NFILZ: variants seen among roughly 807,000 people sequenced by gnomAD.
The protein encoded by NFILZ is NFIL3 like protein.
At chr19:8,643,467 G>A (rs1282625932) in intron 3 of NFILZ, among the ~76,000 whole-genome samples, 2 of 152,160 alleles carry the variant, frequency 1.3e-5, no homozygotes, top group Non-Finnish European at 2.9e-5. Flanking sequence ...AGTGTATCTG[G>A]GAGGGTGTTT....
intron 3 of NFILZ, among the ~76,000 whole-genome samples, chr19:8,663,609 C>T (rs1289502690): frequency 5.9e-5 from 9 of 151,794 alleles, no homozygotes; most frequent in Middle Eastern, 3.2e-3. Context: ...TTGATGCTCG[C>T]GGGCGTTGGG....
intron 3 of NFILZ, among the ~76,000 whole-genome samples, chr19:8,661,511 G>A (rs1275135296): frequency 6.6e-6 from 1 of 152,006 alleles, no homozygotes; most frequent in Non-Finnish European, 1.5e-5. Context: ...GTTTGTTAAC[G>A]AGCCTGGTTT....
At chr19:8,632,244 C>T (rs1041148275) in intron 1 of NFILZ, among the ~76,000 whole-genome samples, 3 of 55,766 alleles carry the variant, frequency 5.4e-5, no homozygotes, top group African/African-American at 1.9e-4. Flanking sequence ...CCCCGCCATA[C>T]AGTGTGTGTG....
intron 3 of NFILZ, among the ~76,000 whole-genome samples, chr19:8,672,486 A>C (rs2043092582): frequency 1.3e-5 from 2 of 152,332 alleles, no homozygotes; most frequent in Admixed American, 6.5e-5. Flanking sequence ...GTTCATTCAA[A>C]AAAAATCCAT....
intron 1 of NFILZ, among the ~76,000 whole-genome samples, chr19:8,631,680 G>C (rs957431775): frequency 6.6e-5 from 10 of 152,150 alleles, no homozygotes; most frequent in Non-Finnish European, 1.5e-4. Flanking sequence ...CCAGCCGCCA[G>C]GCCTTCGTGT....
intron 3 of NFILZ, among the ~76,000 whole-genome samples, chr19:8,661,103 CTT>C (rs1555749066): frequency 2.5e-5 from 1 of 40,406 alleles, no homozygotes; most frequent in African/African-American, 1.0e-4. Context: ...TCCCTTCCTC[CTT>C]CCTTCCTTCC....
intron 3 of NFILZ, among the ~76,000 whole-genome samples, chr19:8,657,595 G>A (rs1165762220): frequency 6.6e-6 from 1 of 152,106 alleles, no homozygotes; most frequent in Non-Finnish European, 1.5e-5. Flanking sequence ...CGCTGTGTGT[G>A]GGATTGTAGT....
chr19:8,655,340 A>T (rs2042987312), intron 3 of NFILZ, among the ~76,000 whole-genome samples: 1 of 152,244 alleles, frequency 6.6e-6, no homozygotes, highest in African/African-American at 2.4e-5. Flanking sequence ...CTCAGACTCC[A>T]CTTACTGGGC....
At chr19:8,655,564 C>T (rs1054448006) in intron 3 of NFILZ, among the ~76,000 whole-genome samples, 3 of 152,156 alleles carry the variant, frequency 2.0e-5, no homozygotes, top group Non-Finnish European at 4.4e-5. Context: ...ACCTCCACCG[C>T]GGGAGGTTCC....
At chr19:8,652,724 C>G (rs1859279737) in intron 3 of NFILZ, among the ~76,000 whole-genome samples, 1 of 152,192 alleles carries the variant, frequency 6.6e-6, no homozygotes, top group East Asian at 1.9e-4. Flanking sequence ...ACGATTATAT[C>G]AGACATTAAC....
In NFILZ at chr19:8,677,074, GC is replaced by G. The variant is rs1402971600; in HGVS notation, c.313del (p.Arg105GlyfsTer36). ...RFGLLPLTGG[P>X]RALPLQALLL... is the part of the protein sequence containing the mutation. The stretch of plus-strand genomic sequence containing the variant: ...TTGGCCTCCTGCCCCTGACTGGTGG[GC>G]CCCGGGCCTTGCCCCTGCAGGCTCT... On this transcript the variant is annotated frameshift_variant, in exon 6 of 6. Transcript: ENST00000691075. LOFTEE classifies it low-confidence loss of function (END_TRUNC). 6.5e-6 allele frequency: 1 copy of G among 152,988 alleles called. No homozygotes were observed. The highest frequency in any genetic ancestry group is 1.5e-5 in the Non-Finnish European group (1 of 68,530). The allele number at this position is 152,988 out of a possible 1,614,324, so 9.5% of individuals were successfully genotyped here.
intron 3 of NFILZ, among the ~76,000 whole-genome samples, chr19:8,673,923 C>T (rs1568425437): frequency 6.6e-6 from 1 of 152,184 alleles, no homozygotes; most frequent in Non-Finnish European, 1.5e-5. Context: ...TCACTGCAAC[C>T]TCCGCCTCCC....
chr19:8,634,647 G>A (rs1269805197), intron 2 of NFILZ, among the ~76,000 whole-genome samples: 3 of 152,104 alleles, frequency 2.0e-5, no homozygotes, highest in Admixed American at 6.6e-5. Context: ...AGGCTGAGGC[G>A]GGCGGATCGC....
intron 3 of NFILZ, among the ~76,000 whole-genome samples, chr19:8,672,226 CATTT>C (rs1457233299): frequency 2.0e-5 from 3 of 151,416 alleles, no homozygotes; most frequent in Admixed American, 2.0e-4. Flanking sequence ...AAAATCCATG[CATTT>C]ATTAGTTCAT....
chr19:8,643,230 G>A (rs149708863), intron 3 of NFILZ, among the ~76,000 whole-genome samples: 73 of 152,318 alleles, frequency 4.8e-4, no homozygotes, highest in African/African-American at 1.7e-3. Context: ...GATCACAGGC[G>A]TGAGCCATCA....
At chr19:8,645,395 C>A (rs1478726364) in intron 3 of NFILZ, among the ~76,000 whole-genome samples, 1 of 151,802 alleles carries the variant, frequency 6.6e-6, no homozygotes, top group Non-Finnish European at 1.5e-5. Context: ...CTGCCTAGGC[C>A]TCCCAAAGTG....
chr19:8,679,549 C>T lies in NFILZ; in HGVS notation c.*1914C>T, dbSNP rs2146179513. Among the ~76,000 whole-genome samples, 1 of 152,096 alleles carries T rather than the reference C, an allele frequency of 6.6e-6. No homozygotes were observed. The highest frequency in any genetic ancestry group is 2.4e-5 in the African/African-American group (1 of 41,480). The stretch of plus-strand genomic sequence containing the variant: ...GTGCAGGGTGAGGACGTACAAAGTG[C>T]CTCTCTCTCACTAGTACAACAGGTG... On this transcript the variant is annotated 3_prime_UTR_variant, in exon 6 of 6. Coordinates refer to ENST00000691075, the MANE Select transcript of NFILZ (RefSeq NM_001378600.1).
intron 3 of NFILZ, among the ~76,000 whole-genome samples, chr19:8,657,078 G>C (rs550528027): frequency 2.6e-5 from 4 of 152,018 alleles, no homozygotes; most frequent in African/African-American, 9.6e-5. Context: ...TCCTGTGCCT[G>C]TCTGGGGTGG....
At chr19:8,657,048 G>C (rs1230566211) in intron 3 of NFILZ, among the ~76,000 whole-genome samples, 1 of 152,004 alleles carries the variant, frequency 6.6e-6, no homozygotes, top group Non-Finnish European at 1.5e-5. Context: ...TGGGGGCTCT[G>C]CTGTTGAAAG....
Sources: allele counts gnomAD v4.1 joint callset (sites outside exome capture counted in the v4.1 genomes callset), GRCh38; gene constraint gnomAD v4.1.1; transcripts MANE v1.5; gene names NCBI Gene and HGNC (gene_info 2026-07-23, HGNC 2026-07-21).